Variants in NR5A2 observed in about 807,000 individuals in gnomAD.
The protein encoded by NR5A2 is CYP7A promoter-binding factor.
NR5A2 carries 26 observed loss-of-function variants against 62.7 expected under a neutral mutation model. The ratio of observed to expected loss-of-function variants is 0.41; its 90% confidence interval spans 0.30 to 0.58. The LOEUF (loss-of-function observed/expected upper bound fraction) is 0.58. NR5A2 is among the 20% of genes least tolerant of loss of function. The pLI, the probability that NR5A2 is intolerant of heterozygous loss-of-function variation, is 0.22. For missense variants in NR5A2, 541 were observed against 669.1 expected, an observed-to-expected ratio of 0.81 and a Z score of 2.11; for synonymous variants, 246 against 241.7, an observed-to-expected ratio of 1.02 and a Z score of -0.16.
chr1:200,144,587 G>T (rs1012371445), intron 7 of NR5A2, among the ~76,000 whole-genome samples: 8 of 152,018 alleles, frequency 5.3e-5, no homozygotes, highest in Non-Finnish European at 7.4e-5. Context: ...CCATTACATT[G>T]TTTCCAATTT....
intron 5 of NR5A2, among the ~76,000 whole-genome samples, chr1:200,102,241 C>G (rs988150749): frequency 6.6e-6 from 1 of 152,200 alleles, no homozygotes; most frequent in African/African-American, 2.4e-5. Flanking sequence ...TAAAGACTCT[C>G]TAATACAAAT....
chr1:200,038,066 G>A (rs534854312), intron 1 of NR5A2, among the ~76,000 whole-genome samples: 4 of 152,226 alleles, frequency 2.6e-5, no homozygotes, highest in East Asian at 1.9e-4. Flanking sequence ...GAGGCATTTC[G>A]CATGCAGTCA....
intron 7 of NR5A2, among the ~76,000 whole-genome samples, chr1:200,126,130 G>T (rs1255185000): frequency 6.6e-6 from 1 of 152,152 alleles, no homozygotes; most frequent in Non-Finnish European, 1.5e-5. Flanking sequence ...TTGCAGCCAT[G>T]AGTCACAACA....
At chr1:200,159,470 C>T (rs1025477744) in intron 7 of NR5A2, among the ~76,000 whole-genome samples, 12 of 152,202 alleles carry the variant, frequency 7.9e-5, no homozygotes, top group East Asian at 5.8e-4. Flanking sequence ...AGAGACCTCA[C>T]CTAACTTTGC....
At chr1:200,173,094 G>A (rs922508635) in intron 7 of NR5A2, among the ~76,000 whole-genome samples, 36 of 152,140 alleles carry the variant, frequency 2.4e-4, no homozygotes, top group African/African-American at 8.4e-4. Context: ...ATGTCAGTCT[G>A]TCTTTTTTTA....
chr1:200,065,580 A>G (rs1663430794), intron 5 of NR5A2, among the ~76,000 whole-genome samples: 1 of 152,272 alleles, frequency 6.6e-6, no homozygotes, highest in South Asian at 2.1e-4. Flanking sequence ...GTGATTCCAC[A>G]CTAGCTTTTT....
intron 7 of NR5A2, among the ~76,000 whole-genome samples, chr1:200,150,667 G>A (rs1222139239): frequency 6.6e-6 from 1 of 152,172 alleles, no homozygotes; most frequent in Non-Finnish European, 1.5e-5. Flanking sequence ...TTGGGAGAGA[G>A]AAGAGAGATC....
chr1:200,162,108 G>A (rs528432880), intron 7 of NR5A2, among the ~76,000 whole-genome samples: 1 of 152,192 alleles, frequency 6.6e-6, no homozygotes, highest in Non-Finnish European at 1.5e-5. Context: ...TCTCTTATTC[G>A]ACAAATGTGA....
chr1:200,158,612 T>G (rs544935960), intron 7 of NR5A2, among the ~76,000 whole-genome samples: 4 of 152,326 alleles, frequency 2.6e-5, no homozygotes, highest in Admixed American at 2.0e-4. Context: ...GCATTCTTTT[T>G]TGAGACAAAG....
At chr1:200,092,845 G>A (rs979186088) in intron 5 of NR5A2, among the ~76,000 whole-genome samples, 2 of 140,032 alleles carry the variant, frequency 1.4e-5, no homozygotes, top group African/African-American at 5.3e-5. Context: ...GCTTTAAAGT[G>A]TAACATTGAT....
intron 7 of NR5A2, among the ~76,000 whole-genome samples, chr1:200,130,118 A>G (rs1436019713): frequency 1.3e-5 from 2 of 152,190 alleles, no homozygotes; most frequent in African/African-American, 4.8e-5. Context: ...AGGTGTTCCT[A>G]TTGTGTGGGA....
At chr1:200,168,829 T>C (rs1654036480) in intron 7 of NR5A2, among the ~76,000 whole-genome samples, 1 of 152,202 alleles carries the variant, frequency 6.6e-6, no homozygotes, top group Non-Finnish European at 1.5e-5. Context: ...GTTATGCAGA[T>C]TATCCATATT....
chr1:200,120,035 CTAATG>C (rs1369973280), intron 6 of NR5A2, among the ~76,000 whole-genome samples: 1 of 151,940 alleles, frequency 6.6e-6, no homozygotes, highest in African/African-American at 2.4e-5. Flanking sequence ...CTGATGTAAT[CTAATG>C]TAATCATCTG....
At chr1:200,098,859 G>T (rs938659883) in intron 5 of NR5A2, among the ~76,000 whole-genome samples, 5 of 152,106 alleles carry the variant, frequency 3.3e-5, no homozygotes, top group African/African-American at 1.2e-4. Context: ...TATGTTTAGG[G>T]CACTGGCATA....
intron 5 of NR5A2, chr1:200,057,594 T>C: frequency 2.9e-6 from 1 of 342,622 alleles, no homozygotes; most frequent in South Asian, 2.2e-5. Context: ...TTCGCCTGCC[T>C]CAGCCTCCCG....
At chr1:200,038,714 C>T in intron 1 of NR5A2, 1 of 1,366,166 alleles carries the variant, frequency 7.3e-7, no homozygotes, top group Non-Finnish European at 9.8e-7. Flanking sequence ...GAGGAAATTG[C>T]CGCTCTGGCT....
intron 5 of NR5A2, among the ~76,000 whole-genome samples, chr1:200,081,767 CTTT>C (rs3033982): frequency 9.4e-4 from 136 of 145,032 alleles, no homozygotes; most frequent in Non-Finnish European, 1.2e-3. Context: ...CATAGTCTAC[CTTT>C]TTTTTTTTTT....
chr1:200,159,548 A>G (rs7551367), intron 7 of NR5A2, among the ~76,000 whole-genome samples: 28,573 of 152,186 alleles, frequency 0.19, 2,971 homozygotes, highest in African/African-American at 0.28. Context: ...ACTGCTGAGT[A>G]ATATACATTA....
chr1:200,038,864 G>A lies in NR5A2; in HGVS notation c.65-794G>A, dbSNP rs1250374504. On this transcript the variant is annotated intron_variant, in intron 1 of 7. Transcript: ENST00000367362. Reference sequence around the variant, plus strand: ...GGTGAAGAGGTTGGGGCAGGCCGGGGGACTGGAGCCTGAGCCTCATCCTTA... The same window carrying A: ...GGTGAAGAGGTTGGGGCAGGCCGGGAGACTGGAGCCTGAGCCTCATCCTTA... 3.7e-6 allele frequency: 3 copies of A among 805,388 alleles called. No individual in the cohort carries two copies. The African/African-American group carries it at 5.6e-5, about 15-fold the overall frequency. The allele number at this position is 805,388 out of a possible 1,614,324, so 49.9% of individuals were successfully genotyped here. A position where few individuals can be genotyped will look rare whatever the true frequency, so the allele number is the denominator to read the frequency against.
Sources: allele counts gnomAD v4.1 joint callset (sites outside exome capture counted in the v4.1 genomes callset), GRCh38; gene constraint gnomAD v4.1.1; transcripts MANE v1.5; gene names NCBI Gene and HGNC (gene_info 2026-07-23, HGNC 2026-07-21).